GNG7: variants seen among roughly 807,000 people sequenced by gnomAD.
The protein encoded by GNG7 is guanine nucleotide-binding protein G(I)/G(S)/G(O) subunit gamma-7.
A neutral mutation model predicts 4.0 loss-of-function variants in GNG7; 1 was observed. The observed-to-expected ratio is 0.25, with a 90% CI of 0.09 to 1.18. The LOEUF (loss-of-function observed/expected upper bound fraction) is 1.18, where lower values mean the gene tolerates loss of function less well. Ranked by LOEUF, GNG7 falls within the 50% of genes most tolerant of loss-of-function variation. GNG7 has a pLI of 0.50. For synonymous variants in GNG7, 34 were observed against 36.9 expected (o/e 0.92, Z 0.29); for missense variants, 86 against 91.9 (o/e 0.94, Z 0.26).
At chr19:2,569,953 G>C (rs1980095487) in intron 2 of GNG7, among the ~76,000 whole-genome samples, 1 of 152,166 alleles carries the variant, frequency 6.6e-6, no homozygotes, top group African/African-American at 2.4e-5. Flanking sequence ...AGCAATGTCA[G>C]TGACATGGGG....
chr19:2,674,411 G>A (rs1305154267), intron 1 of GNG7, among the ~76,000 whole-genome samples: 4 of 151,328 alleles, frequency 2.6e-5, no homozygotes, highest in Admixed American at 1.3e-4. Context: ...GTCTCCAAAG[G>A]TGACTGGTGT....
intron 1 of GNG7, among the ~76,000 whole-genome samples, chr19:2,667,505 G>A (rs1045899034): frequency 6.6e-6 from 1 of 152,146 alleles, no homozygotes; most frequent in South Asian, 2.1e-4. Context: ...GGGGCCAGGT[G>A]CAGTGACTGA....
chr19:2,524,463 C>A (rs542421155), intron 3 of GNG7, among the ~76,000 whole-genome samples: 2 of 152,082 alleles, frequency 1.3e-5, no homozygotes, highest in Non-Finnish European at 2.9e-5. Flanking sequence ...GTGTACCTTG[C>A]GTGTGCATGT....
At chr19:2,657,205 A>G (rs1982997512) in intron 1 of GNG7, among the ~76,000 whole-genome samples, 1 of 150,572 alleles carries the variant, frequency 6.6e-6, no homozygotes, top group African/African-American at 2.5e-5. Context: ...CTGGTGGTGC[A>G]CACCTGTAGT....
chr19:2,663,334 TTCTC>T (rs761118643), intron 1 of GNG7, among the ~76,000 whole-genome samples: 4 of 150,650 alleles, frequency 2.7e-5, no homozygotes, highest in East Asian at 2.0e-4. Flanking sequence ...CTCTCACCCT[TTCTC>T]TCTCTCTCCC....
chr19:2,532,730 A>G (rs1599376613), intron 3 of GNG7, among the ~76,000 whole-genome samples: 1 of 152,218 alleles, frequency 6.6e-6, no homozygotes, highest in Non-Finnish European at 1.5e-5. Flanking sequence ...AATATGAATT[A>G]AAGTCATCAA....
chr19:2,691,082 G>A (rs779566961), intron 1 of GNG7, among the ~76,000 whole-genome samples: 3 of 152,146 alleles, frequency 2.0e-5, no homozygotes, highest in Non-Finnish European at 4.4e-5. Context: ...CGGGGTGCTG[G>A]TAATGGGGGA....
intron 2 of GNG7, among the ~76,000 whole-genome samples, chr19:2,571,953 T>C (rs1980161891): frequency 1.3e-5 from 2 of 152,146 alleles, no homozygotes. Flanking sequence ...TCCTGTCCCA[T>C]TGGCCTATTT....
chr19:2,683,958 A>G (rs1181718484), intron 1 of GNG7, among the ~76,000 whole-genome samples: 1 of 152,288 alleles, frequency 6.6e-6, no homozygotes, highest in East Asian at 1.9e-4. Context: ...CCGAGCTGCA[A>G]AAGCGACGTC....
At position 2,557,219 on chromosome 19, in the gene GNG7, ACACATGCACACACAGACG is replaced by A. The variant is rs901838251; in HGVS notation, c.-77-2049_-77-2032del. ...CACACATTTGCATGCACACACAGAC[ACACATGCACACACAGACG>A]CACATGTGCACACACACGTGCACAC... is the stretch of plus-strand genomic sequence containing the variant. On this transcript the variant is annotated intron_variant, in intron 2 of 4. Coordinates refer to ENST00000382159, the MANE Select transcript of GNG7 (RefSeq NM_052847.3). This position sits in a 1 kb window ranked among gnomAD's most constrained non-coding sequence, Gnocchi z 5.1. Among the ~76,000 whole-genome samples, 489 of 148,390 alleles carry A rather than the reference ACACATGCACACACAGACG, an allele frequency of 3.3e-3. 1 individual carries two copies. Among genetic ancestry groups the A allele is most frequent in the African/African-American group, 0.012 (454 of 38,340 alleles).
intron 1 of GNG7, among the ~76,000 whole-genome samples, chr19:2,661,068 G>A (rs10853961): frequency 0.51 from 76,364 of 150,870 alleles, 19,482 homozygotes; most frequent in East Asian, 0.58. Context: ...AAAATTAGCC[G>A]GGCGTGGTGG....
chr19:2,635,109 G>C (rs546827249), intron 2 of GNG7, among the ~76,000 whole-genome samples: 1 of 152,144 alleles, frequency 6.6e-6, no homozygotes, highest in Non-Finnish European at 1.5e-5. Flanking sequence ...GCTGAGCAGC[G>C]TCCCGGGCCT....
chr19:2,655,857 A>ATATATATATATATATAT (rs1568275796), intron 1 of GNG7, among the ~76,000 whole-genome samples: 2 of 134,174 alleles, frequency 1.5e-5, no homozygotes, highest in Non-Finnish European at 3.1e-5. Flanking sequence ...AAAAAAAAAA[A>ATATATATATATATATAT]AAATACATAT....
chr19:2,640,328 G>C (rs1982473243), intron 2 of GNG7, among the ~76,000 whole-genome samples: 1 of 152,062 alleles, frequency 6.6e-6, no homozygotes, highest in South Asian at 2.1e-4. Flanking sequence ...CAGCTAGGGG[G>C]ACCAGTTAAA....
At chr19:2,567,604 G>C (rs1004740055) in intron 2 of GNG7, among the ~76,000 whole-genome samples, 3 of 152,158 alleles carry the variant, frequency 2.0e-5, no homozygotes, top group Non-Finnish European at 2.9e-5. Context: ...GGGATTGCAA[G>C]CGTGAGCCGC....
chr19:2,685,039 G>A (rs111576697), intron 1 of GNG7, among the ~76,000 whole-genome samples: 8 of 152,044 alleles, frequency 5.3e-5, no homozygotes, highest in Non-Finnish European at 7.4e-5. Flanking sequence ...CAGGAGAATC[G>A]CTTGAACCCA....
At chr19:2,572,983 T>G (rs1980194548) in intron 2 of GNG7, among the ~76,000 whole-genome samples, 1 of 151,322 alleles carries the variant, frequency 6.6e-6, no homozygotes, top group Admixed American at 6.6e-5. Context: ...CATCCATGCA[T>G]ATTCTCTGTG....
At chr19:2,515,520 C>T (rs1323413722) in intron 4 of GNG7, among the ~76,000 whole-genome samples, 2 of 151,908 alleles carry the variant, frequency 1.3e-5, no homozygotes, top group African/African-American at 4.8e-5. Flanking sequence ...CTCCACCTCG[C>T]GGGTTCAAGT....
At chr19:2,692,924 T>C (rs553539370) in intron 1 of GNG7, among the ~76,000 whole-genome samples, 228 of 151,258 alleles carry the variant, frequency 1.5e-3, no homozygotes, top group African/African-American at 5.3e-3. Flanking sequence ...AGTTCAAGGC[T>C]GCAGTGAGCT....
Sources: gnomAD v4.1 joint callset for allele counts (sites outside exome capture counted in the v4.1 genomes callset) on GRCh38, gnomAD v4.1.1 for gene constraint, Gnocchi (gnomAD v3.1) non-coding constraint, MANE v1.5 for transcripts, NCBI Gene and HGNC (gene_info 2026-07-23, HGNC 2026-07-21) for gene names.